Variants in USP34 observed in about 807,000 individuals in gnomAD.
USP34 encodes ubiquitin specific peptidase 34.
USP34 carries 70 observed loss-of-function variants against 460.3 expected under a neutral mutation model. The observed-to-expected ratio is 0.15, with a 90% CI of 0.13 to 0.19. USP34 has a LOEUF of 0.19. Ranked by LOEUF, USP34 falls within the 10% of genes least tolerant of loss-of-function variation. USP34 has a pLI of 1.00. For synonymous variants in USP34, 1,647 were observed against 1,405.3 expected (o/e 1.17, Z -3.85); for missense variants, 3,985 against 4,236.2 (o/e 0.94, Z 1.65).
intron 1 of USP34, among the ~76,000 whole-genome samples, chr2:61,458,858 G>A (rs956387758): frequency 6.6e-6 from 1 of 151,964 alleles, no homozygotes; most frequent in Non-Finnish European, 1.5e-5. Context: ...GTGAGGTCAG[G>A]AGTTCAAGAC....
rs541459805 is a variant in USP34 at position 61,318,398 on chromosome 2, A to G, written c.3169-631T>C. ...TAGCTACAAGTACAGTTTTTGTTAA[A>G]GTCAGAGGTCGAAATTTAAGATGGC... On this transcript the variant is annotated intron_variant, in intron 22 of 79. Transcript: ENST00000398571. Among the ~76,000 whole-genome samples the G allele has an allele frequency of 4.4e-4, 67 of 152,276 alleles. 1 individual carries two copies. The highest frequency in any genetic ancestry group is 1.5e-3 in the African/African-American group (63 of 41,560).
intron 10 of USP34, among the ~76,000 whole-genome samples, chr2:61,362,753 AC>A (rs1203355064): frequency 1.3e-5 from 2 of 152,250 alleles, no homozygotes; most frequent in Non-Finnish European, 2.9e-5. Context: ...TGTATTACAT[AC>A]TTGAAAGAAA....
intron 61 of USP34, among the ~76,000 whole-genome samples, chr2:61,227,782 T>TA (rs1305233568): frequency 6.6e-6 from 1 of 151,980 alleles, no homozygotes; most frequent in Non-Finnish European, 1.5e-5. Context: ...ACCTTACCTA[T>TA]AAACCCTTGA....
intron 72 of USP34, 144 bp downstream of exon 72, chr2:61,205,873 T>C: frequency 1.7e-6 from 1 of 584,184 alleles, no homozygotes; most frequent in Non-Finnish European, 3.0e-6. Flanking sequence ...TTTTCTTTAT[T>C]TTCTTAGGAC....
In USP34 at chr2:61,228,690, T is replaced by A; in HGVS notation, c.7398A>T (p.Ile2466=). ...CCATGTAAAAATGTACCATTGTAGA[T>A]ATAGCTTGCAATGAAAGCAAAAATT... ...ESQFLLSLQA[I]STMVHFYMGT... The change falls in exon 61 of 80, where the codon ATA becomes ATT. Residue 2466 remains isoleucine, a synonymous_variant. Transcript: ENST00000398571. The A allele has an allele frequency of 1.2e-6, 2 of 1,611,886 alleles. No individual in the cohort carries two copies. Among genetic ancestry groups the A allele is most frequent in the Middle Eastern group, 1.7e-4 (1 of 6,054 alleles).
intron 29 of USP34, among the ~76,000 whole-genome samples, chr2:61,297,702 G>T (rs1330775232): frequency 6.6e-6 from 1 of 152,052 alleles, no homozygotes; most frequent in Non-Finnish European, 1.5e-5. Flanking sequence ...TAGTTCTTTT[G>T]GTATAATGGC....
At chr2:61,406,268 A>G in intron 2 of USP34, 140 bp from the exon 3 acceptor site, 1 of 725,796 alleles carries the variant, frequency 1.4e-6, no homozygotes, top group Non-Finnish European at 2.1e-6. Flanking sequence ...GTACACCTTA[A>G]TAACATAAAG....
chr2:61,221,007 A>G (rs1687566594), intron 66 of USP34, among the ~76,000 whole-genome samples: 1 of 152,210 alleles, frequency 6.6e-6, no homozygotes, highest in African/African-American at 2.4e-5. Flanking sequence ...GATTGCTCAT[A>G]TGCTACCACA....
At chr2:61,291,766 A>G (rs1689859872) in intron 33 of USP34, among the ~76,000 whole-genome samples, 2 of 152,228 alleles carry the variant, frequency 1.3e-5, no homozygotes. Context: ...TGCCAAAAAG[A>G]AGTGAAAATG....
At chr2:61,430,010 G>C (rs566965035) in intron 1 of USP34, among the ~76,000 whole-genome samples, 4 of 152,222 alleles carry the variant, frequency 2.6e-5, no homozygotes, top group African/African-American at 9.6e-5. Context: ...TCAGGAGATC[G>C]AGACCATCCT....
intron 5 of USP34, among the ~76,000 whole-genome samples, chr2:61,388,127 C>G (rs1423308467): frequency 6.6e-6 from 1 of 151,980 alleles, no homozygotes; most frequent in Non-Finnish European, 1.5e-5. Flanking sequence ...TGGCACACAC[C>G]AGCTATGCAA....
At chr2:61,387,558 TTA>T (rs1373366164) in intron 5 of USP34, among the ~76,000 whole-genome samples, 1 of 147,434 alleles carries the variant, frequency 6.8e-6, no homozygotes, top group Admixed American at 6.9e-5. Context: ...ATATATATAT[TTA>T]TATATACACA....
intron 1 of USP34, among the ~76,000 whole-genome samples, chr2:61,456,188 T>C (rs939895615): frequency 6.6e-6 from 1 of 152,234 alleles, no homozygotes; most frequent in South Asian, 2.1e-4. Flanking sequence ...GTATTAGATA[T>C]CCGTGGGCTT....
chr2:61,350,295 A>G lies in USP34; in HGVS notation c.1472T>C (p.Leu491Ser). ...QLSKQSSFASLLNTNIPIGNK... is the reference protein window; with the variant it reads ...QLSKQSSFASSLNTNIPIGNK... ...TCCAATGGGAATATTAGTATTTAAT[A>G]AAGATGCAAAAGAACTCTGTTTAGA... is the stretch of plus-strand genomic sequence containing the variant. The change falls in exon 12 of 80, where the codon TTA (leucine) becomes TCA (serine). Residue 491 changes from leucine (L) to serine (S), a missense_variant. By Grantham distance (145) the Leu-to-Ser change is moderately radical. This residue lies in a region of USP34 where 716 missense variants were observed against 626.2 expected (regional missense o/e 1.14). Transcript: ENST00000398571. 3 of 1,611,862 alleles carry G rather than the reference A, an allele frequency of 1.9e-6. No individual in the cohort carries two copies. The highest frequency in any genetic ancestry group is 2.5e-6 in the Non-Finnish European group (3 of 1,178,738).
At chr2:61,392,993 GAA>G (rs1415589874) in intron 5 of USP34, among the ~76,000 whole-genome samples, 1 of 152,122 alleles carries the variant, frequency 6.6e-6, no homozygotes, top group East Asian at 1.9e-4. Flanking sequence ...AGTAACAACC[GAA>G]GTTAGTAAAA....
chr2:61,457,163 C>G (rs1695464303), intron 1 of USP34, among the ~76,000 whole-genome samples: 1 of 152,200 alleles, frequency 6.6e-6, no homozygotes, highest in Non-Finnish European at 1.5e-5. Context: ...ATAGTCCCAG[C>G]TACTCAGGTG....
chr2:61,317,851 A>T, intron 22 of USP34, 84 bp from the exon 23 acceptor site: 1 of 937,428 alleles, frequency 1.1e-6, no homozygotes, highest in South Asian at 1.7e-5. Flanking sequence ...CTTTACTGAA[A>T]ACACTGTAGA....
intron 75 of USP34, chr2:61,200,748 C>A (rs1686951605): frequency 1.3e-5 from 2 of 152,224 alleles, no homozygotes; most frequent in Non-Finnish European, 2.9e-5. Context: ...AGAAATTATA[C>A]AAATTAAAAT....
intron 66 of USP34, 83 bp downstream of exon 66, chr2:61,221,419 G>A: frequency 8.1e-7 from 1 of 1,241,166 alleles, no homozygotes; most frequent in Non-Finnish European, 1.1e-6. Flanking sequence ...ATAAGAAACT[G>A]GTACTTAAAA....
Sources: allele counts gnomAD v4.1 joint callset (sites outside exome capture counted in the v4.1 genomes callset), GRCh38; gene constraint gnomAD v4.1.1; regional missense constraint gnomAD v4.1.1; transcripts MANE v1.5; gene names NCBI Gene and HGNC (gene_info 2026-07-23, HGNC 2026-07-21).